The following FNDC3A variants were observed in gnomAD, a reference collection of about 807,000 sequenced individuals.
FNDC3A encodes fibronectin type III domain containing 3A.
A neutral mutation model predicts 148.9 loss-of-function variants in FNDC3A; 32 were observed. The observed-to-expected ratio is 0.21, with a 90% CI of 0.16 to 0.29. FNDC3A has a LOEUF of 0.29. Among genes scored for constraint, FNDC3A ranks in the 10% least tolerant of loss-of-function variants. FNDC3A has a pLI of 1.00. For synonymous variants in FNDC3A, 472 were observed against 473.6 expected (o/e 1.00, Z 0.04); for missense variants, 1,191 against 1,452.8 (o/e 0.82, Z 2.93).
chr13:49,128,393 T>C (rs926599003), intron 4 of FNDC3A, among the ~76,000 whole-genome samples: 1 of 152,196 alleles, frequency 6.6e-6, no homozygotes, highest in African/African-American at 2.4e-5. Context: ...TTCTCAACCA[T>C]AGTAATGTAA....
intron 1 of FNDC3A, among the ~76,000 whole-genome samples, chr13:48,989,106 G>A (rs2137561832): frequency 6.6e-6 from 1 of 152,222 alleles, no homozygotes; most frequent in African/African-American, 2.4e-5. Context: ...TACTCTGGAG[G>A]GTTTTGCATT....
At chr13:49,120,252 C>G (rs991984693) in intron 4 of FNDC3A, among the ~76,000 whole-genome samples, 1 of 152,016 alleles carries the variant, frequency 6.6e-6, no homozygotes, top group Non-Finnish European at 1.5e-5. Context: ...GCTTCATAAG[C>G]GAAGGAGAAA....
chr13:49,118,241 A>G (rs1881092186), intron 4 of FNDC3A, among the ~76,000 whole-genome samples: 1 of 152,156 alleles, frequency 6.6e-6, no homozygotes, highest in South Asian at 2.1e-4. Context: ...CTCACCCAGG[A>G]AGCAAAAGGG....
At chr13:49,178,284 C>T (rs75521384) in intron 13 of FNDC3A, among the ~76,000 whole-genome samples, 1 of 152,296 alleles carries the variant, frequency 6.6e-6, no homozygotes, top group East Asian at 1.9e-4. Context: ...CCATTGGCTC[C>T]AACTCTATAA....
chr13:49,075,845 T>C (rs1878072562), intron 3 of FNDC3A, among the ~76,000 whole-genome samples: 1 of 99,194 alleles, frequency 1.0e-5, no homozygotes, highest in East Asian at 3.5e-4. Context: ...ATCCTACCTG[T>C]GCTTCAAGAC....
Position 49,209,211 on chromosome 13 carries a change from T to C in FNDC3A, c.*1816T>C, listed in dbSNP as rs1168154713. 1 of 152,642 alleles carries C rather than the reference T, an allele frequency of 6.6e-6. No homozygotes were observed. The highest frequency in any genetic ancestry group is 2.4e-5 in the African/African-American group (1 of 41,454). 9.5% of individuals were successfully genotyped at this position (152,642 alleles called of 1,614,324 possible). A position where few individuals can be genotyped will look rare whatever the true frequency, so the allele number is the denominator to read the frequency against. Reference sequence around the variant, plus strand: ...GTGTAATAGCCCAGAGATTTATATATAGTTGAATGTCTAAAATGGTAAAAT... The same window carrying C: ...GTGTAATAGCCCAGAGATTTATATACAGTTGAATGTCTAAAATGGTAAAAT... On this transcript the variant is annotated 3_prime_UTR_variant, in exon 26 of 26. Transcript: ENST00000492622.
At chr13:49,168,121 A>G (rs1210838911) in intron 9 of FNDC3A, among the ~76,000 whole-genome samples, 1 of 152,138 alleles carries the variant, frequency 6.6e-6, no homozygotes, top group Admixed American at 6.6e-5. Context: ...TTAGTTAATT[A>G]CCCCCATTTT....
intron 1 of FNDC3A, among the ~76,000 whole-genome samples, chr13:48,986,389 T>TTTG (rs1276566223): frequency 5.2e-5 from 5 of 95,788 alleles, no homozygotes; most frequent in African/African-American, 1.4e-4. Context: ...GAAGTTGTTT[T>TTTG]TTTTTTTTTT....
intron 3 of FNDC3A, chr13:49,095,266 A>G (rs961415421): frequency 3.9e-5 from 6 of 152,078 alleles, no homozygotes; most frequent in Non-Finnish European, 7.4e-5. Flanking sequence ...AAGGTTATCA[A>G]CACATCATTG....
chr13:49,054,523 G>A (rs143008390), intron 2 of FNDC3A, among the ~76,000 whole-genome samples: 22 of 152,260 alleles, frequency 1.4e-4, no homozygotes, highest in African/African-American at 5.1e-4. Context: ...GCTCCAGGCT[G>A]TACCCAAACC....
chr13:49,153,015 G>A (rs920786112), intron 8 of FNDC3A, among the ~76,000 whole-genome samples: 6 of 151,108 alleles, frequency 4.0e-5, no homozygotes, highest in South Asian at 4.2e-4. Flanking sequence ...ATGATTTATA[G>A]TCCTTTGGGT....
At chr13:49,204,512 A>C (rs1443410735) in intron 25 of FNDC3A, among the ~76,000 whole-genome samples, 5 of 152,226 alleles carry the variant, frequency 3.3e-5, no homozygotes, top group Non-Finnish European at 7.3e-5. Context: ...TAAATCTGGC[A>C]TGCAATTGTT....
chr13:49,200,338 A>T (rs984768469), intron 23 of FNDC3A, among the ~76,000 whole-genome samples: 1 of 152,206 alleles, frequency 6.6e-6, no homozygotes, highest in Non-Finnish European at 1.5e-5. Flanking sequence ...TAAGAACATT[A>T]CACAGAACAA....
At chr13:49,020,620 A>T (rs1452496927) in intron 2 of FNDC3A, among the ~76,000 whole-genome samples, 1 of 152,192 alleles carries the variant, frequency 6.6e-6, no homozygotes, top group Non-Finnish European at 1.5e-5. Context: ...TCTCCATTCC[A>T]TTTTATGGAC....
At chr13:49,013,741 TC>T (rs1241561147) in intron 2 of FNDC3A, among the ~76,000 whole-genome samples, 2 of 76,672 alleles carry the variant, frequency 2.6e-5, no homozygotes, top group Admixed American at 1.6e-4. Flanking sequence ...ATGCTATCCC[TC>T]CCCCCTCCCC....
rs548106285 is a variant in FNDC3A at position 49,005,299 on chromosome 13, C to T, written c.-39-853C>T. On this transcript the variant is annotated intron_variant, in intron 1 of 25. Transcript: ENST00000492622. The stretch of plus-strand genomic sequence containing the variant: ...CTACTGAATTGCAGAATGCTGTAAA[C>T]ATTCCAAAATGTTTATTTTATTTTT... Among the ~76,000 whole-genome samples, 5 of 151,908 alleles carry T rather than the reference C, an allele frequency of 3.3e-5. No individual in the cohort carries two copies. The South Asian group carries it at 1.0e-3, about 31-fold the overall frequency.
At chr13:49,163,168 G>T (rs982884411) in intron 8 of FNDC3A, among the ~76,000 whole-genome samples, 1 of 152,204 alleles carries the variant, frequency 6.6e-6, no homozygotes, top group Non-Finnish European at 1.5e-5. Flanking sequence ...CCTCAAAGCT[G>T]TCAGACAGGA....
rs535534463 is a variant in FNDC3A at position 48,994,110 on chromosome 13, T to C, written c.-39-12042T>C. Among the ~76,000 whole-genome samples the C allele has an allele frequency of 7.2e-5, 11 of 152,326 alleles. No homozygotes were observed. The East Asian group carries it at 1.5e-3, about 21-fold the overall frequency. On this transcript the variant is annotated intron_variant, in intron 1 of 25. Transcript: ENST00000492622. ...TTCATATATCCAGATGAAAAGATCA[T>C]CAGCTATATATGATCTAGTTAAAGT...
At chr13:49,096,285 A>G (rs1879520734) in intron 3 of FNDC3A, among the ~76,000 whole-genome samples, 2 of 152,084 alleles carry the variant, frequency 1.3e-5, no homozygotes, top group African/African-American at 4.8e-5. Context: ...TTATGACTCT[A>G]CCAGAGTTGA....
Sources: gnomAD v4.1 joint callset for allele counts (sites outside exome capture counted in the v4.1 genomes callset) on GRCh38, gnomAD v4.1.1 for gene constraint, MANE v1.5 for transcripts, NCBI Gene and HGNC (gene_info 2026-07-23, HGNC 2026-07-21) for gene names.